ALKBH8: variants seen among roughly 807,000 people sequenced by gnomAD.
The protein encoded by ALKBH8 is alkB homolog 8, tRNA methyltransferase.
A neutral mutation model predicts 59.8 loss-of-function variants in ALKBH8; 36 were observed. The ratio of observed to expected loss-of-function variants is 0.60; its 90% CI spans 0.46 to 0.79. The LOEUF (loss-of-function observed/expected upper bound fraction) is 0.79. Among genes scored for constraint, ALKBH8 ranks in the 30% least tolerant of loss-of-function variants. The pLI is 0.00. For missense variants in ALKBH8, 768 were observed against 801.0 expected, an observed-to-expected ratio of 0.96 and a Z score of 0.50; for synonymous variants, 276 against 273.6, an observed-to-expected ratio of 1.01 and a Z score of -0.09.
intron 11 of ALKBH8, among the ~76,000 whole-genome samples, chr11:107,507,938 A>G (rs1862458707): frequency 6.6e-6 from 1 of 152,182 alleles, no homozygotes; most frequent in South Asian, 2.1e-4. Context: ...AATGATCTCT[A>G]TCAGGCATTT....
In ALKBH8 at chr11:107,522,561, T is replaced by G; in HGVS notation, c.1031-6A>C. On this transcript the variant is annotated splice_polypyrimidine_tract_variant and splice_region_variant and intron_variant, in intron 9 of 11. Transcript: ENST00000428149. ...ATCACAGACCAACGGGTAACCTTAA[T>G]GAAAAAGCAATACACACCTTTCCTT... 6.5e-7 allele frequency: 1 copy of G among 1,549,242 alleles called. No homozygotes were observed. The highest frequency in any genetic ancestry group is 8.7e-7 in the Non-Finnish European group (1 of 1,146,358).
chr11:107,534,908 C>T (rs546507262), intron 7 of ALKBH8, among the ~76,000 whole-genome samples: 5 of 152,184 alleles, frequency 3.3e-5, no homozygotes, highest in African/African-American at 4.8e-5. Flanking sequence ...CCCTCACCCC[C>T]GCAACTTTTC....
chr11:107,516,379 T>C (rs1356287602), intron 10 of ALKBH8, among the ~76,000 whole-genome samples: 1 of 152,198 alleles, frequency 6.6e-6, no homozygotes, highest in Non-Finnish European at 1.5e-5. Context: ...CAATAAATGG[T>C]GTTAGGGAAA....
At chr11:107,562,351 G>C (rs1359174280) in intron 1 of ALKBH8, among the ~76,000 whole-genome samples, 1 of 150,758 alleles carries the variant, frequency 6.6e-6, no homozygotes, top group Non-Finnish European at 1.5e-5. Flanking sequence ...CTCAAAACAG[G>C]AGATTTGTGC....
At chr11:107,529,589 C>G (rs1863495775) in intron 8 of ALKBH8, among the ~76,000 whole-genome samples, 1 of 151,966 alleles carries the variant, frequency 6.6e-6, no homozygotes, top group African/African-American at 2.4e-5. Flanking sequence ...ACTGCAACCT[C>G]CGCCTCCCGG....
intron 9 of ALKBH8, 72 bp from the exon 10 acceptor site, chr11:107,522,627 GA>G (rs1169086944): frequency 0.018 from 19,754 of 1,082,008 alleles, 5 homozygotes; most frequent in South Asian, 0.026. Context: ...TTTCTTAAAT[GA>G]AAAAAAAAAA....
At chr11:107,554,559 G>A (rs1864628035) in intron 3 of ALKBH8, among the ~76,000 whole-genome samples, 1 of 44,688 alleles carries the variant, frequency 2.2e-5, no homozygotes, top group Non-Finnish European at 8.1e-5. Context: ...TTAAACAAAG[G>A]GAATAGTGTA....
At chr11:107,518,211 A>T (rs1207242308) in intron 10 of ALKBH8, among the ~76,000 whole-genome samples, 1 of 152,220 alleles carries the variant, frequency 6.6e-6, no homozygotes, top group East Asian at 1.9e-4. Flanking sequence ...GAAAAACATT[A>T]GAAGGATATT....
chr11:107,514,250 A>G (rs965894222), intron 10 of ALKBH8, among the ~76,000 whole-genome samples: 1 of 152,160 alleles, frequency 6.6e-6, no homozygotes, highest in African/African-American at 2.4e-5. Context: ...TCCTTAGAGG[A>G]AGAAAAAGAT....
rs1031768573 is a variant in ALKBH8 at position 107,551,705 on chromosome 11, AAAT to A, written c.700+100_700+102del. ...GCGAAACTCCATCTCAAAAAAAAAA[AAAT>A]AATAATAATAATAATAATAATATAT... On this transcript the variant is annotated intron_variant, in intron 6 of 11. Coordinates refer to ENST00000428149, the MANE Select transcript of ALKBH8 (RefSeq NM_138775.3). 659 of 305,110 alleles carry A rather than the reference AAAT, an allele frequency of 2.2e-3. 5 individuals carry two copies. The highest frequency in any genetic ancestry group is 6.7e-3 in the South Asian group (85 of 12,620). 18.9% of individuals were successfully genotyped at this position (305,110 alleles called of 1,614,324 possible).
chr11:107,539,298 G>T (rs1016058279), intron 7 of ALKBH8, among the ~76,000 whole-genome samples: 1 of 152,128 alleles, frequency 6.6e-6, no homozygotes, highest in East Asian at 1.9e-4. Flanking sequence ...CTTTAGAATA[G>T]GTTAAAATCA....
chr11:107,548,929 C>A (rs1015910657), intron 7 of ALKBH8, among the ~76,000 whole-genome samples: 1 of 151,886 alleles, frequency 6.6e-6, no homozygotes, highest in African/African-American at 2.4e-5. Context: ...CGGCTCACTG[C>A]AACCTCTGCC....
At chr11:107,518,996 G>C (rs1252066427) in intron 10 of ALKBH8, among the ~76,000 whole-genome samples, 1 of 152,196 alleles carries the variant, frequency 6.6e-6, no homozygotes, top group East Asian at 1.9e-4. Flanking sequence ...TAGGAGATGT[G>C]ATCTTGATAT....
At chr11:107,556,637 G>A (rs1025472974) in intron 3 of ALKBH8, 129 bp downstream of exon 3, 3 of 556,336 alleles carry the variant, frequency 5.4e-6, no homozygotes, top group Non-Finnish European at 8.4e-6. Flanking sequence ...AAGAATGTTT[G>A]TTAAAGTAAA....
rs646771 is a variant in ALKBH8 at position 107,544,050 on chromosome 11, C to A, written c.771+5703G>T. Among the ~76,000 whole-genome samples, 701 of 152,318 alleles carry A rather than the reference C, an allele frequency of 4.6e-3. 3 individuals are homozygous for A. The highest frequency in any genetic ancestry group is 0.015 in the African/African-American group (617 of 41,576). ...TATTCCCTAATTTAAGTGCAGCCAA[C>A]TGGTAGTTTCATCTATACCACTTAA... On this transcript the variant is annotated intron_variant, in intron 7 of 11. Transcript: ENST00000428149.
At chr11:107,527,417 A>G (rs1033212772) in intron 8 of ALKBH8, among the ~76,000 whole-genome samples, 1 of 152,008 alleles carries the variant, frequency 6.6e-6, no homozygotes, top group Admixed American at 6.5e-5. Flanking sequence ...TGATCTAGAA[A>G]GAGAAACGTC....
At position 107,565,699 on chromosome 11, in the gene ALKBH8, G is replaced by C. The variant is rs769702255; in HGVS notation, c.-105C>G. On this transcript the variant is annotated 5_prime_UTR_variant, in exon 1 of 12. Transcript: ENST00000428149. Reference sequence around the variant, plus strand: ...AGAACACCGCAGCGGATACTTGCACGCCATCTCCCCTGGGCGCGGCCATGT... The same window carrying C: ...AGAACACCGCAGCGGATACTTGCACCCCATCTCCCCTGGGCGCGGCCATGT... 8 of 1,531,722 alleles carry C rather than the reference G, an allele frequency of 5.2e-6. No individual in the cohort carries two copies. In the South Asian group the frequency reaches 8.3e-5, roughly 16 times the overall value. 94.9% of individuals were successfully genotyped at this position (1,531,722 alleles called of 1,614,324 possible).
At chr11:107,527,138 G>A (rs1863389551) in intron 8 of ALKBH8, among the ~76,000 whole-genome samples, 1 of 151,806 alleles carries the variant, frequency 6.6e-6, no homozygotes, top group African/African-American at 2.4e-5. Context: ...ATAGATTTTG[G>A]GGACAACTGA....
chr11:107,513,508 A>G (rs1395611934), intron 10 of ALKBH8, among the ~76,000 whole-genome samples: 8 of 152,206 alleles, frequency 5.3e-5, no homozygotes, highest in Admixed American at 5.2e-4. Flanking sequence ...TTAAAAGAGA[A>G]TTACCATTCG....
Sources: gnomAD v4.1 joint callset for allele counts (sites outside exome capture counted in the v4.1 genomes callset) on GRCh38, gnomAD v4.1.1 for gene constraint, MANE v1.5 for transcripts, NCBI Gene and HGNC (gene_info 2026-07-23, HGNC 2026-07-21) for gene names.